The following GABRB1 variants were observed in gnomAD, a reference collection of about 807,000 sequenced individuals.
GABRB1 encodes the protein gamma-aminobutyric acid receptor subunit beta-1.
In GABRB1, 17 loss-of-function variants were observed where a neutral mutation model predicts 51.6. That is an observed-to-expected ratio of 0.33 (90% CI 0.23 to 0.49). GABRB1 has a LOEUF of 0.49. Ranked by LOEUF, GABRB1 falls within the 20% of genes least tolerant of loss-of-function variation. The pLI is 0.99. For missense variants in GABRB1, 410 were observed against 600.6 expected (o/e 0.68, Z 3.32); for synonymous variants, 247 against 218.9 (o/e 1.13, Z -1.14).
intron 3 of GABRB1, among the ~76,000 whole-genome samples, chr4:47,125,839 G>A (rs954706826): frequency 8.0e-5 from 12 of 150,194 alleles, no homozygotes; most frequent in Non-Finnish European, 1.5e-4. Flanking sequence ...ACAGGCGTGA[G>A]CCACCGCGCC....
chr4:47,339,762 C>T (rs1371451373), intron 5 of GABRB1, among the ~76,000 whole-genome samples: 1 of 150,006 alleles, frequency 6.7e-6, no homozygotes, highest in East Asian at 2.0e-4. Context: ...TCTGTTCTTT[C>T]CACTGTAGGA....
At chr4:47,374,032 G>A (rs10025245) in intron 5 of GABRB1, among the ~76,000 whole-genome samples, 3,368 of 152,232 alleles carry the variant, frequency 0.022, 97 homozygotes, top group African/African-American at 0.077. Context: ...GCTCAGTGTC[G>A]GGAGTGAGGG....
At chr4:47,336,063 G>A (rs1349338941) in intron 5 of GABRB1, among the ~76,000 whole-genome samples, 2 of 152,182 alleles carry the variant, frequency 1.3e-5, no homozygotes, top group Non-Finnish European at 2.9e-5. Flanking sequence ...TCAAAGCCCT[G>A]AGAAAATGCC....
At chr4:47,034,189 C>T (rs1448517533) in intron 3 of GABRB1, among the ~76,000 whole-genome samples, 2 of 151,862 alleles carry the variant, frequency 1.3e-5, no homozygotes, top group African/African-American at 2.4e-5. Context: ...TCTACCTTGC[C>T]GTGTAGAGTG....
intron 8 of GABRB1, among the ~76,000 whole-genome samples, chr4:47,416,561 A>T (rs1232288357): frequency 6.6e-6 from 1 of 150,740 alleles, no homozygotes; most frequent in Non-Finnish European, 1.5e-5. Context: ...AACAATTCTC[A>T]TGCCTCAGCC....
chr4:47,352,750 T>A (rs1228354264), intron 5 of GABRB1, among the ~76,000 whole-genome samples: 2 of 138,138 alleles, frequency 1.4e-5, no homozygotes, highest in East Asian at 5.3e-4. Context: ...ACTCACATTA[T>A]TTTGGTTTGC....
chr4:47,235,162 C>G (rs1213486499), intron 4 of GABRB1, among the ~76,000 whole-genome samples: 1 of 152,188 alleles, frequency 6.6e-6, no homozygotes, highest in Non-Finnish European at 1.5e-5. Context: ...TCATTTCCAT[C>G]TCATCCACCC....
rs371709091 is a variant in GABRB1 at position 47,381,278 on chromosome 4, A to G, written c.545-22040A>G. Among the ~76,000 whole-genome samples the G allele has an allele frequency of 7.3e-4, 111 of 152,274 alleles. 2 individuals are homozygous for G. The highest frequency in any genetic ancestry group is 2.6e-3 in the African/African-American group (107 of 41,544). On this transcript the variant is annotated intron_variant, in intron 5 of 8. Transcript: ENST00000295454. ...CTTCTGTCTGGGGCTCACCACAAGC[A>G]GGATCAGGTCCTCACTCCACTGGTG...
intron 3 of GABRB1, among the ~76,000 whole-genome samples, chr4:47,052,589 C>T (rs1305951743): frequency 6.6e-6 from 1 of 152,156 alleles, no homozygotes; most frequent in Admixed American, 6.5e-5. Context: ...GTACTGTGGC[C>T]TTTAAAATAT....
chr4:47,343,291 C>T (rs1725971214), intron 5 of GABRB1, among the ~76,000 whole-genome samples: 1 of 152,034 alleles, frequency 6.6e-6, no homozygotes, highest in Non-Finnish European at 1.5e-5. Flanking sequence ...AGGATAAAAT[C>T]ACACACCACT....
At chr4:47,091,474 T>C (rs1278230755) in intron 3 of GABRB1, among the ~76,000 whole-genome samples, 1 of 152,016 alleles carries the variant, frequency 6.6e-6, no homozygotes, top group East Asian at 1.9e-4. Flanking sequence ...TTAAAAACGC[T>C]CACTAAATTT....
At chr4:47,001,838 T>C (rs1724239623) in intron 1 of GABRB1, among the ~76,000 whole-genome samples, 1 of 152,258 alleles carries the variant, frequency 6.6e-6, no homozygotes, top group Non-Finnish European at 1.5e-5. Flanking sequence ...TTAAATGTTT[T>C]GGGTTCTAGT....
intron 3 of GABRB1, among the ~76,000 whole-genome samples, chr4:47,144,857 T>C (rs1213905516): frequency 3.3e-5 from 5 of 150,398 alleles, no homozygotes; most frequent in Non-Finnish European, 7.4e-5. Flanking sequence ...CCTTTGAGAG[T>C]ATAGAGTTGG....
chr4:47,067,231 T>C (rs1394339655), intron 3 of GABRB1, among the ~76,000 whole-genome samples: 2 of 152,226 alleles, frequency 1.3e-5, no homozygotes, highest in Non-Finnish European at 2.9e-5. Context: ...ATTTCATTTA[T>C]AGAGCACAGG....
At chr4:47,182,350 G>C (rs989339127) in intron 4 of GABRB1, among the ~76,000 whole-genome samples, 4 of 151,928 alleles carry the variant, frequency 2.6e-5, no homozygotes, top group Admixed American at 6.6e-5. Context: ...CAGAAAAAAG[G>C]TATGACATTC....
At chr4:47,272,788 G>C (rs1340709058) in intron 4 of GABRB1, among the ~76,000 whole-genome samples, 1 of 152,044 alleles carries the variant, frequency 6.6e-6, no homozygotes, top group African/African-American at 2.4e-5. Context: ...GAACAAGTAG[G>C]TTGTTTCCAG....
intron 5 of GABRB1, among the ~76,000 whole-genome samples, chr4:47,336,144 A>G (rs1330341901): frequency 1.3e-5 from 2 of 152,218 alleles, no homozygotes; most frequent in African/African-American, 4.8e-5. Context: ...TATATCATCA[A>G]TTAGACATTT....
chr4:47,118,468 T>C (rs1715603120), intron 3 of GABRB1, among the ~76,000 whole-genome samples: 1 of 152,054 alleles, frequency 6.6e-6, no homozygotes, highest in South Asian at 2.1e-4. Context: ...TTTACAGTTT[T>C]AAAAAAATGA....
chr4:47,194,485 G>GA (rs925735384), intron 4 of GABRB1, among the ~76,000 whole-genome samples: 6 of 151,810 alleles, frequency 4.0e-5, no homozygotes, highest in East Asian at 1.9e-4. Flanking sequence ...TCTCATTCCA[G>GA]AAAAAAAAGT....
Sources: gnomAD v4.1 joint callset for allele counts (sites outside exome capture counted in the v4.1 genomes callset) on GRCh38, gnomAD v4.1.1 for gene constraint, MANE v1.5 for transcripts, NCBI Gene and HGNC (gene_info 2026-07-23, HGNC 2026-07-21) for gene names.